CNTN1: variants seen among roughly 807,000 people sequenced by gnomAD.
CNTN1 encodes contactin 1.
A neutral mutation model predicts 126.4 loss-of-function variants in CNTN1; 38 were observed. The observed-to-expected ratio is 0.30, with a 90% CI of 0.23 to 0.39. The LOEUF is 0.39. Among genes scored for constraint, CNTN1 ranks in the 10% least tolerant of loss-of-function variants. CNTN1 has a pLI of 1.00. For synonymous variants in CNTN1, 413 were observed against 422.6 expected, an observed-to-expected ratio of 0.98 and a Z score of 0.28; for missense variants, 1,009 against 1,248.4, an observed-to-expected ratio of 0.81 and a Z score of 2.89.
intron 15 of CNTN1, chr12:40,972,169 G>T: frequency 3.0e-6 from 3 of 985,366 alleles, no homozygotes; most frequent in Non-Finnish European, 3.6e-6. Context: ...TTTTAGTAAA[G>T]ATGACTAAGC....
At chr12:40,880,071 C>T (rs1172106432) in intron 1 of CNTN1, among the ~76,000 whole-genome samples, 1 of 151,914 alleles carries the variant, frequency 6.6e-6, no homozygotes, top group Non-Finnish European at 1.5e-5. Context: ...ACAGAGTGTA[C>T]TCTCAAGGAA....
chr12:40,819,782 T>C (rs774041759), intron 1 of CNTN1, among the ~76,000 whole-genome samples: 4 of 152,178 alleles, frequency 2.6e-5, no homozygotes, highest in Non-Finnish European at 5.9e-5. Context: ...ATTGGGACAC[T>C]AGGCTCTGGT....
chr12:41,005,321 T>C (rs932907899), intron 17 of CNTN1, among the ~76,000 whole-genome samples: 2 of 152,194 alleles, frequency 1.3e-5, no homozygotes, highest in South Asian at 4.1e-4. Flanking sequence ...ATTGGCTTCC[T>C]TTGTAGTTGA....
At chr12:40,742,664 C>A (rs1013806020) in intron 1 of CNTN1, among the ~76,000 whole-genome samples, 2 of 151,756 alleles carry the variant, frequency 1.3e-5, no homozygotes, top group African/African-American at 4.8e-5. Context: ...ATTTCTATAT[C>A]TTGTCTTCTC....
intron 19 of CNTN1, among the ~76,000 whole-genome samples, chr12:41,018,341 T>C (rs1254837076): frequency 6.6e-6 from 1 of 152,072 alleles, no homozygotes; most frequent in Non-Finnish European, 1.5e-5. Context: ...CAACTTCCAT[T>C]GTTTTCACTC....
At position 41,004,174 on chromosome 12, in the gene CNTN1, G is replaced by A. The variant is rs996126081; in HGVS notation, c.2114-10054G>A. On this transcript the variant is annotated intron_variant, in intron 17 of 23. Coordinates refer to ENST00000551295, the MANE Select transcript of CNTN1 (RefSeq NM_001843.4). The stretch of plus-strand genomic sequence containing the variant: ...TTTCATTAATTTTAAATATCTTCTC[G>A]ATTTCTGCTTTAATTTTATTATTTA... 3.9e-5 allele frequency among the ~76,000 whole-genome samples: 6 copies of A among 151,916 alleles called. No individual in the cohort carries two copies. In the South Asian group the frequency reaches 1.2e-3, roughly 32 times the overall value.
intron 3 of CNTN1, among the ~76,000 whole-genome samples, chr12:40,914,777 A>G (rs1945170657): frequency 6.6e-6 from 1 of 152,160 alleles, no homozygotes; most frequent in Admixed American, 6.6e-5. Context: ...AAATATATAC[A>G]TATAATTTGT....
chr12:40,700,615 T>C (rs934433749), intron 1 of CNTN1, among the ~76,000 whole-genome samples: 1 of 152,178 alleles, frequency 6.6e-6, no homozygotes, highest in African/African-American at 2.4e-5. Context: ...GCTTAGCATA[T>C]ATTCTGTGTA....
chr12:41,066,388 G>T (rs1030434686), intron 23 of CNTN1, among the ~76,000 whole-genome samples: 1 of 152,056 alleles, frequency 6.6e-6, no homozygotes. Flanking sequence ...TTCTTCCTTA[G>T]ACCCCCTGTG....
chr12:40,961,568 A>G (rs769669090), intron 15 of CNTN1, among the ~76,000 whole-genome samples: 1 of 151,958 alleles, frequency 6.6e-6, no homozygotes, highest in Non-Finnish European at 1.5e-5. Flanking sequence ...ACAGGCTTTA[A>G]GGGATCCATG....
intron 23 of CNTN1, 59 bp from the exon 24 acceptor site, chr12:41,069,900 A>G: frequency 1.4e-6 from 2 of 1,395,298 alleles, no homozygotes. Context: ...AGCAGACTAA[A>G]TGAGCAATAG....
chr12:41,051,893 A>ACAC (rs1949692598), intron 23 of CNTN1, among the ~76,000 whole-genome samples: 1 of 134,488 alleles, frequency 7.4e-6, no homozygotes, highest in African/African-American at 2.7e-5. Context: ...ACCCCACACA[A>ACAC]ACACACACAC....
At chr12:41,030,972 A>G (rs1949134219) in intron 23 of CNTN1, among the ~76,000 whole-genome samples, 1 of 152,190 alleles carries the variant, frequency 6.6e-6, no homozygotes, top group Admixed American at 6.6e-5. Flanking sequence ...CATTATTTCA[A>G]GGAAGGTAAA....
chr12:40,759,774 A>AT (rs33992864), intron 1 of CNTN1, among the ~76,000 whole-genome samples: 30,169 of 133,352 alleles, frequency 0.23, 3,619 homozygotes, highest in African/African-American at 0.3. Flanking sequence ...TGGCCCAGAT[A>AT]TTTTTTTTTT....
chr12:40,950,816 TC>T, intron 14 of CNTN1, among the ~76,000 whole-genome samples: 1 of 152,106 alleles, frequency 6.6e-6, no homozygotes, highest in East Asian at 1.9e-4. Flanking sequence ...TCATCACACT[TC>T]CCATGTATAG....
At chr12:40,896,490 C>T (rs1371560270) in intron 1 of CNTN1, among the ~76,000 whole-genome samples, 1 of 152,140 alleles carries the variant, frequency 6.6e-6, no homozygotes, top group Non-Finnish European at 1.5e-5. Flanking sequence ...ACAGTCTGTA[C>T]CCTTGTCTCC....
chr12:40,703,386 G>A (rs1941650101), intron 1 of CNTN1, among the ~76,000 whole-genome samples: 1 of 152,000 alleles, frequency 6.6e-6, no homozygotes, highest in Non-Finnish European at 1.5e-5. Context: ...TGCTTTCATC[G>A]TTATTTTTAG....
chr12:40,695,541 T>C (rs1344685973), intron 1 of CNTN1, among the ~76,000 whole-genome samples: 3 of 152,192 alleles, frequency 2.0e-5, no homozygotes, highest in Non-Finnish European at 4.4e-5. Context: ...CAACAAATTC[T>C]CCAATTTCCA....
intron 1 of CNTN1, among the ~76,000 whole-genome samples, chr12:40,759,504 C>T (rs1034210614): frequency 3.3e-5 from 5 of 149,518 alleles, no homozygotes; most frequent in African/African-American, 7.4e-5. Context: ...CTCACTCTGT[C>T]ACCTAGGCTG....
Sources: gnomAD v4.1 joint callset for allele counts (sites outside exome capture counted in the v4.1 genomes callset) on GRCh38, gnomAD v4.1.1 for gene constraint, MANE v1.5 for transcripts, NCBI Gene and HGNC (gene_info 2026-07-23, HGNC 2026-07-21) for gene names.